Variants in TXNDC16 observed in about 807,000 individuals in gnomAD.
TXNDC16 encodes thioredoxin domain containing 16.
A neutral mutation model predicts 85.6 loss-of-function variants in TXNDC16; 74 were observed. The observed-to-expected ratio is 0.86, with a 90% CI of 0.72 to 1.05. The LOEUF is 1.05. TXNDC16 is among the 50% of genes least tolerant of loss of function. The pLI is 0.00. For synonymous variants in TXNDC16, 335 were observed against 326.5 expected, an observed-to-expected ratio of 1.03 and a Z score of -0.28; for missense variants, 959 against 947.0, an observed-to-expected ratio of 1.01 and a Z score of -0.17.
chr14:52,436,280 C>T (rs928241896), intron 20 of TXNDC16, among the ~76,000 whole-genome samples: 3 of 152,090 alleles, frequency 2.0e-5, no homozygotes, highest in African/African-American at 7.2e-5. Flanking sequence ...CGTGGTTGAT[C>T]CTTGAAAACC....
intron 14 of TXNDC16, among the ~76,000 whole-genome samples, chr14:52,477,144 C>A (rs930710937): frequency 1.3e-5 from 2 of 152,176 alleles, no homozygotes; most frequent in African/African-American, 4.8e-5. Context: ...TCGCCACTAC[C>A]AAGCCAGCGC....
At chr14:52,488,583 C>A in intron 11 of TXNDC16, 97 bp from the exon 12 acceptor site, 1 of 1,001,944 alleles carries the variant, frequency 1.0e-6, no homozygotes, top group Non-Finnish European at 1.4e-6. Flanking sequence ...CACCTGTAAT[C>A]CCAGCACTTT....
chr14:52,487,486 A>G (rs2036297236), intron 12 of TXNDC16, among the ~76,000 whole-genome samples: 1 of 152,238 alleles, frequency 6.6e-6, no homozygotes, highest in Non-Finnish European at 1.5e-5. Context: ...TTGATTTAGA[A>G]ATATTTATAG....
intron 19 of TXNDC16, 26 bp downstream of exon 19, chr14:52,440,538 A>G (rs1594679351): frequency 2.0e-6 from 3 of 1,528,646 alleles, no homozygotes; most frequent in East Asian, 2.4e-5. Flanking sequence ...TACCTCTTAC[A>G]TATTAAAAAA....
chr14:52,463,366 G>A (rs545793307), intron 16 of TXNDC16, among the ~76,000 whole-genome samples: 85 of 152,214 alleles, frequency 5.6e-4, no homozygotes, highest in African/African-American at 1.6e-3. Context: ...TCCGGGGGTC[G>A]CTGGAAGTTC....
intron 14 of TXNDC16, among the ~76,000 whole-genome samples, chr14:52,477,939 G>T (rs1446895254): frequency 6.6e-6 from 1 of 152,012 alleles, no homozygotes; most frequent in Non-Finnish European, 1.5e-5. Flanking sequence ...CACAAAATGA[G>T]CCTCAATAAA....
rs145138464 is a variant in TXNDC16, at chr14:52,514,932, T to C, written c.553A>G (p.Thr185Ala). The stretch of plus-strand genomic sequence containing the variant: ...GTGGTTAAGACAAATTGGTATGTAG[T>C]CCCATACACAAAAGCGGCTTCCATG... ...AVMEAAFVYG[T>A]TYQFVLTTEI... The change falls in exon 8 of 21, where the codon ACT (threonine) becomes GCT (alanine). Residue 185 changes from threonine to alanine, a missense_variant. Transcript: ENST00000281741. 32 of 1,612,894 alleles carry C rather than the reference T, an allele frequency of 2.0e-5. No individual in the cohort carries two copies. The African/African-American group carries it at 2.9e-4, about 15-fold the overall frequency.
In TXNDC16 at chr14:52,477,697, G is replaced by A. The variant is rs140803072; in HGVS notation, c.1312+4533C>T. Reference sequence around the variant, plus strand: ...ATAAAACAATTACTAATAGACCTATGAAATGAGATAGACAGCAACATCATA... The same window carrying A: ...ATAAAACAATTACTAATAGACCTATAAAATGAGATAGACAGCAACATCATA... On this transcript the variant is annotated intron_variant, in intron 14 of 20. Transcript: ENST00000281741. 2.9e-3 allele frequency among the ~76,000 whole-genome samples: 434 copies of A among 152,256 alleles called. 1 individual carries two copies. Among genetic ancestry groups the A allele is most frequent in the African/African-American group, 9.8e-3 (407 of 41,572 alleles).
intron 4 of TXNDC16, among the ~76,000 whole-genome samples, chr14:52,538,622 T>A (rs996559950): frequency 6.6e-6 from 1 of 151,922 alleles, no homozygotes; most frequent in Admixed American, 6.6e-5. Context: ...TATATGCAGA[T>A]TGAGATAGAG....
At position 52,439,356 on chromosome 14, in the gene TXNDC16, T is replaced by C; in HGVS notation, c.2042A>G (p.Tyr681Cys). The C allele has an allele frequency of 3.1e-6, 5 of 1,613,932 alleles. No individual in the cohort carries two copies. Among genetic ancestry groups the C allele is most frequent in the African/African-American group, 1.3e-5 (1 of 75,038 alleles). Residue 681 changes from tyrosine (Y) to cysteine (C), a missense_variant, in exon 20 of 21, where the codon TAT (tyrosine) becomes TGT (cysteine). Coordinates refer to ENST00000281741, the MANE Select transcript of TXNDC16 (RefSeq NM_020784.3). ...TPVGRGILRA[Y>C]FDPLPPLPLL... is the part of the protein sequence containing the mutation. ...AGGAAGGGGAGGCAGAGGATCAAAA[T>C]ATGCCCTCAAGATTCCTCTCCCCAC...
At chr14:52,466,850 G>C (rs1038902474) in intron 16 of TXNDC16, among the ~76,000 whole-genome samples, 6 of 151,962 alleles carry the variant, frequency 3.9e-5, no homozygotes, top group African/African-American at 1.5e-4. Context: ...CTGGGTGACA[G>C]AGCAAGACTC....
chr14:52,508,095 C>T (rs1357606398), intron 9 of TXNDC16, among the ~76,000 whole-genome samples: 3 of 152,184 alleles, frequency 2.0e-5, no homozygotes, highest in Middle Eastern at 6.8e-3. Context: ...AGCTTCTGCA[C>T]AGCAAAAGAA....
Position 52,440,723 on chromosome 14 carries a change from G to A in TXNDC16, c.1844C>T (p.Pro615Leu), listed in dbSNP as rs777830716. 14 of 1,602,952 alleles carry A rather than the reference G, an allele frequency of 8.7e-6. No individual in the cohort carries two copies. Among genetic ancestry groups the A allele is most frequent in the Middle Eastern group, 1.7e-4 (1 of 6,010 alleles). The change falls in exon 19 of 21, where the codon CCG (proline) becomes CTG (leucine). Residue 615 changes from proline (P) to leucine (L), a missense_variant and splice_region_variant. By Grantham distance (98) the Pro-to-Leu change is moderately conservative. Transcript: ENST00000281741. ...IITDALLEMFPEITVENLPSY... is the reference protein window; with the variant it reads ...IITDALLEMFLEITVENLPSY... ...GGGAAGATTTTCCACAGTGATTTCC[G>A]GCTGTCAAAGAAAAGGAATAACAAC...
At chr14:52,525,699 A>AAATAATAATAAT (rs199701557) in intron 6 of TXNDC16, among the ~76,000 whole-genome samples, 8 of 121,332 alleles carry the variant, frequency 6.6e-5, no homozygotes, top group African/African-American at 1.1e-4. Context: ...CTCCATCTCA[A>AAATAATAATAAT]AATAATAATA....
chr14:52,485,797 T>C (rs2036255514), intron 12 of TXNDC16, among the ~76,000 whole-genome samples: 1 of 152,202 alleles, frequency 6.6e-6, no homozygotes. Context: ...GTAAGTGAAC[T>C]TTATGATGTT....
intron 9 of TXNDC16, among the ~76,000 whole-genome samples, chr14:52,497,128 TTAAA>T (rs1449106581): frequency 6.6e-6 from 1 of 152,072 alleles, no homozygotes; most frequent in African/African-American, 2.4e-5. Context: ...TGTATTACTA[TTAAA>T]TAACTAAAAT....
chr14:52,522,128 C>T (rs2037224423), intron 6 of TXNDC16, among the ~76,000 whole-genome samples: 1 of 152,178 alleles, frequency 6.6e-6, no homozygotes, highest in Admixed American at 6.5e-5. Flanking sequence ...CTTAATTGGA[C>T]TACCATGTAA....
chr14:52,484,672 G>A (rs926102515), intron 12 of TXNDC16, among the ~76,000 whole-genome samples: 5 of 152,040 alleles, frequency 3.3e-5, no homozygotes, highest in Non-Finnish European at 7.4e-5. Flanking sequence ...TTGAGGTCAG[G>A]AGTTCGAGGC....
At chr14:52,458,099 C>A (rs1441594255) in intron 16 of TXNDC16, among the ~76,000 whole-genome samples, 1 of 152,176 alleles carries the variant, frequency 6.6e-6, no homozygotes, top group Non-Finnish European at 1.5e-5. Context: ...GCACTACATT[C>A]ATGATGTAAG....
Sources: gnomAD v4.1 joint callset for allele counts (sites outside exome capture counted in the v4.1 genomes callset) on GRCh38, gnomAD v4.1.1 for gene constraint, MANE v1.5 for transcripts, NCBI Gene and HGNC (gene_info 2026-07-23, HGNC 2026-07-21) for gene names.